Variants in HSD17B4 observed in about 807,000 individuals in gnomAD.
The protein encoded by HSD17B4 is peroxisomal multifunctional enzyme type 2.
HSD17B4 carries 70 observed loss-of-function variants against 101.0 expected under a neutral mutation model. That is an observed-to-expected ratio of 0.69 (90% CI 0.57 to 0.85). The LOEUF (loss-of-function observed/expected upper bound fraction) is 0.85, where lower values mean the gene tolerates loss of function less well. Among genes scored for constraint, HSD17B4 ranks in the 40% least tolerant of loss-of-function variants. The pLI, the probability that HSD17B4 is intolerant of heterozygous loss-of-function variation, is 0.00. For missense variants in HSD17B4, 984 were observed against 892.4 expected (o/e 1.10, Z -1.31); for synonymous variants, 347 against 297.1 (o/e 1.17, Z -1.73).
intron 21 of HSD17B4, 22 bp downstream of exon 21, chr5:119,530,002 C>T (rs531536526): frequency 1.5e-6 from 2 of 1,358,656 alleles, no homozygotes; most frequent in Admixed American, 1.7e-5. Flanking sequence ...AAATTAGTAT[C>T]CAAGCCACTT....
At chr5:119,489,917 C>T (rs1183155100) in intron 9 of HSD17B4, among the ~76,000 whole-genome samples, 2 of 151,920 alleles carry the variant, frequency 1.3e-5, no homozygotes, top group Non-Finnish European at 2.9e-5. Flanking sequence ...ATCCATTGTT[C>T]ACTCTTTGAT....
chr5:119,487,765 T>C (rs1185086200), intron 8 of HSD17B4, among the ~76,000 whole-genome samples: 1 of 152,188 alleles, frequency 6.6e-6, no homozygotes, highest in Non-Finnish European at 1.5e-5. Flanking sequence ...TAAATATCCT[T>C]TAACATTTAG....
At position 119,477,517 on chromosome 5, in the gene HSD17B4, G is replaced by A. The variant is rs757308589; in HGVS notation, c.434+16G>A. Reference sequence around the variant, plus strand: ...AGTATGGAAGGTAGAGTTGCATGTGGTTGTCAAGGGGGATTTAAGATGTTG... The same window carrying A: ...AGTATGGAAGGTAGAGTTGCATGTGATTGTCAAGGGGGATTTAAGATGTTG... On this transcript the variant is annotated intron_variant, in intron 7 of 23. Coordinates refer to ENST00000510025, the MANE Select transcript of HSD17B4 (RefSeq NM_000414.4). 2 of 1,555,374 alleles carry A rather than the reference G, an allele frequency of 1.3e-6. No individual in the cohort carries two copies. The highest frequency in any genetic ancestry group is 8.9e-7 in the Non-Finnish European group (1 of 1,126,766).
intron 2 of HSD17B4, among the ~76,000 whole-genome samples, chr5:119,465,791 C>G (rs1218285551): frequency 6.6e-6 from 1 of 152,154 alleles, no homozygotes; most frequent in Non-Finnish European, 1.5e-5. Context: ...TGATGTCCTT[C>G]TTTTTAATTT....
intron 1 of HSD17B4, chr5:119,452,871 G>T: frequency 6.5e-7 from 1 of 1,534,936 alleles, no homozygotes. Flanking sequence ...CCAAGGTCCT[G>T]CCTGAGAGGA....
chr5:119,518,317 G>A (rs529959292), intron 17 of HSD17B4, among the ~76,000 whole-genome samples: 2 of 152,070 alleles, frequency 1.3e-5, no homozygotes, highest in Admixed American at 6.5e-5. Flanking sequence ...GCGAGACCAC[G>A]AACCCACCAG....
chr5:119,510,186 CTGAGT>C (rs1317502281), intron 16 of HSD17B4, among the ~76,000 whole-genome samples: 6 of 152,040 alleles, frequency 3.9e-5, no homozygotes, highest in African/African-American at 1.4e-4. Flanking sequence ...AAAAGCCTTG[CTGAGT>C]TAAGTATAAT....
chr5:119,484,499 ATTT>A (rs770968423), intron 8 of HSD17B4, among the ~76,000 whole-genome samples: 6 of 152,070 alleles, frequency 3.9e-5, no homozygotes, highest in Non-Finnish European at 7.4e-5. Context: ...GCCTACCTTT[ATTT>A]ACTTATGCAA....
intron 23 of HSD17B4, among the ~76,000 whole-genome samples, chr5:119,541,406 C>T (rs1754980673): frequency 6.6e-6 from 1 of 152,160 alleles, no homozygotes; most frequent in African/African-American, 2.4e-5. Context: ...TATTAAGGGG[C>T]ACAGCCTGGA....
chr5:119,522,965 C>A (rs529008390), intron 17 of HSD17B4, among the ~76,000 whole-genome samples: 1 of 152,158 alleles, frequency 6.6e-6, no homozygotes, highest in Non-Finnish European at 1.5e-5. Context: ...TTTGCACCCC[C>A]CAAGCCCTGC....
chr5:119,477,306 A>G, intron 6 of HSD17B4, 111 bp from the exon 7 acceptor site: 1 of 764,714 alleles, frequency 1.3e-6, no homozygotes, highest in Non-Finnish European at 2.2e-6. Context: ...GCAATTTTAT[A>G]CATTAGGTAT....
chr5:119,467,691 C>T (rs558049965), intron 2 of HSD17B4, among the ~76,000 whole-genome samples: 32 of 152,272 alleles, frequency 2.1e-4, no homozygotes, highest in African/African-American at 7.2e-4. Flanking sequence ...ATAGAAAATA[C>T]AGTATTCATA....
intron 12 of HSD17B4, among the ~76,000 whole-genome samples, chr5:119,498,872 T>C (rs1340147524): frequency 6.6e-6 from 1 of 152,098 alleles, no homozygotes; most frequent in Non-Finnish European, 1.5e-5. Flanking sequence ...AGAGCGAGAC[T>C]CCATCTCAAA....
intron 17 of HSD17B4, 58 bp downstream of exon 17, chr5:119,515,104 T>C (rs1016193316): frequency 1.1e-6 from 1 of 903,696 alleles, no homozygotes; most frequent in African/African-American, 1.6e-5. Flanking sequence ...CTTTTTAATT[T>C]ATAGCTCTGA....
intron 16 of HSD17B4, 123 bp from the exon 17 acceptor site, chr5:119,514,857 AC>A: frequency 1.5e-6 from 1 of 685,630 alleles, no homozygotes; most frequent in Non-Finnish European, 2.7e-6. Flanking sequence ...TTTTTTTTAA[AC>A]CCTTTTATCC....
chr5:119,492,828 G>T lies in HSD17B4; in HGVS notation c.739+704G>T, dbSNP rs114764744. On this transcript the variant is annotated intron_variant, in intron 10 of 23. Coordinates refer to ENST00000510025, the MANE Select transcript of HSD17B4 (RefSeq NM_000414.4). ...CTCCAAATTTGAGAATTGCTTTATG[G>T]CATTAAAAAAATTGTGAAAATTTCT... The T allele has an allele frequency of 5.9e-5, 9 of 151,816 alleles. No homozygotes were observed. In the East Asian group the frequency reaches 1.5e-3, roughly 26 times the overall value. 9.4% of individuals were successfully genotyped at this position (151,816 alleles called of 1,614,324 possible).
chr5:119,477,378 T>C, intron 6 of HSD17B4, 39 bp from the exon 7 acceptor site: 1 of 1,411,880 alleles, frequency 7.1e-7, no homozygotes, highest in Non-Finnish European at 9.9e-7. Context: ...ATGCCTAAGT[T>C]TTTACAAAAT....
chr5:119,463,655 CTTTTTTTTTTTTTTT>C (rs57252147), intron 2 of HSD17B4, among the ~76,000 whole-genome samples: 13 of 29,706 alleles, frequency 4.4e-4, no homozygotes, highest in East Asian at 2.1e-3. Flanking sequence ...ATTTATATGT[CTTTTTTTTTTTTTTT>C]TTTTTTTTTT....
chr5:119,524,455 C>A (rs1478088367), intron 17 of HSD17B4, among the ~76,000 whole-genome samples: 1 of 152,142 alleles, frequency 6.6e-6, no homozygotes, highest in African/African-American at 2.4e-5. Context: ...AGTCTTGAGG[C>A]TGACCTAAAA....
Sources: allele counts gnomAD v4.1 joint callset (sites outside exome capture counted in the v4.1 genomes callset), GRCh38; gene constraint gnomAD v4.1.1; transcripts MANE v1.5; gene names NCBI Gene and HGNC (gene_info 2026-07-23, HGNC 2026-07-21).